APPBP2: variants seen among roughly 807,000 people sequenced by gnomAD.
The protein encoded by APPBP2 is amyloid protein-binding protein 2.
Under a neutral mutation model 76.0 loss-of-function variants are expected in APPBP2, and 15 were observed. The ratio of observed to expected loss-of-function variants is 0.20; its 90% CI spans 0.13 to 0.30. The LOEUF is 0.30. Ranked by LOEUF, APPBP2 falls within the 10% of genes least tolerant of loss-of-function variation. The probability of loss-of-function intolerance (pLI) is 1.00; values close to 1 mark genes in which losing one functional copy is unlikely to be tolerated. For missense variants in APPBP2, 401 were observed against 687.2 expected (o/e 0.58, Z 4.66); for synonymous variants, 222 against 242.2 (o/e 0.92, Z 0.77).
Position 60,517,396 on chromosome 17 carries a change from T to A in APPBP2, c.138+8398A>T, listed in dbSNP as rs74488844. Among the ~76,000 whole-genome samples the A allele has an allele frequency of 8.6e-3, 1,311 of 152,334 alleles. 10 individuals carry two copies. The highest frequency in any genetic ancestry group is 0.013 in the Non-Finnish European group (891 of 68,040). ...TTGACTCTTCACTTGCTTAATGATA[T>A]CTTTTGATGAGATGTTCTTGATCTT... On this transcript the variant is annotated intron_variant, in intron 1 of 12. Coordinates refer to ENST00000083182, the MANE Select transcript of APPBP2 (RefSeq NM_006380.5).
Position 60,466,373 on chromosome 17 carries a change from G to A in APPBP2, c.590C>T (p.Ser197Leu), listed in dbSNP as rs2090511206. The change falls in exon 5 of 13, where the codon TCA becomes TTA. Residue 197 changes from serine to leucine, a missense_variant. Ser to Leu is a moderately radical substitution (Grantham distance 145). Coordinates refer to ENST00000083182, the MANE Select transcript of APPBP2 (RefSeq NM_006380.5). ...KLAQTYMDKL[S>L]KHGQQANKAA... is the part of the protein sequence containing the mutation. Reference sequence around the variant, plus strand: ...TTTATTTGCTTGCTGGCCATGTTTTGATAGTTTATCCATATATGTCTGAGC... The same window carrying A: ...TTTATTTGCTTGCTGGCCATGTTTTAATAGTTTATCCATATATGTCTGAGC... 1 of 1,613,960 alleles carries A rather than the reference G, an allele frequency of 6.2e-7. No homozygotes were observed. The highest frequency in any genetic ancestry group is 1.3e-5 in the African/African-American group (1 of 75,018).
At chr17:60,496,845 C>T (rs199614783) in intron 2 of APPBP2, among the ~76,000 whole-genome samples, 50 of 152,176 alleles carry the variant, frequency 3.3e-4, no homozygotes, top group Middle Eastern at 3.4e-3. Context: ...CTCAGCCTCC[C>T]GAGTAGCTGG....
chr17:60,464,343 T>A (rs773413268), intron 5 of APPBP2, among the ~76,000 whole-genome samples: 5 of 152,250 alleles, frequency 3.3e-5, no homozygotes, highest in Non-Finnish European at 7.3e-5. Context: ...ATGACATATC[T>A]TCTGGAAATC....
chr17:60,520,295 G>A (rs1407471378), intron 1 of APPBP2, among the ~76,000 whole-genome samples: 2 of 151,938 alleles, frequency 1.3e-5, no homozygotes, highest in African/African-American at 2.4e-5. Context: ...TAAGGAGGCC[G>A]GGCGCAGTGG....
At chr17:60,510,059 A>T (rs962564637) in intron 1 of APPBP2, among the ~76,000 whole-genome samples, 1 of 150,680 alleles carries the variant, frequency 6.6e-6, no homozygotes, top group South Asian at 2.1e-4. Flanking sequence ...TTTAACAAAC[A>T]TGAGTTATCG....
At chr17:60,494,693 T>C in intron 2 of APPBP2, 76 bp from the exon 3 acceptor site, 3 of 1,259,914 alleles carry the variant, frequency 2.4e-6, no homozygotes, top group Non-Finnish European at 3.2e-6. Context: ...CTGCTTCTCT[T>C]TTAAATAATA....
rs952403998 is a variant in APPBP2, at chr17:60,526,013, C to G, written c.-82G>C. The G allele has an allele frequency of 1.6e-5, 22 of 1,397,532 alleles. No homozygotes were observed. In the African/African-American group the frequency reaches 2.9e-4, roughly 18 times the overall value. The allele number at this position is 1,397,532 out of a possible 1,614,324, so 86.6% of individuals were successfully genotyped here. Reference sequence around the variant, plus strand: ...CCTCCGTAGCGAACCCCTCTGCGGCCCCGGAGGATTCGGAGGGGCGGTGGC... The same window carrying G: ...CCTCCGTAGCGAACCCCTCTGCGGCGCCGGAGGATTCGGAGGGGCGGTGGC... On this transcript the variant is annotated 5_prime_UTR_variant, in exon 1 of 13. Coordinates refer to ENST00000083182, the MANE Select transcript of APPBP2 (RefSeq NM_006380.5).
chr17:60,522,694 T>C (rs2091019777), intron 1 of APPBP2, among the ~76,000 whole-genome samples: 1 of 152,108 alleles, frequency 6.6e-6, no homozygotes, highest in African/African-American at 2.4e-5. Flanking sequence ...ATACCTTAAT[T>C]TATGCACGGT....
At position 60,454,164 on chromosome 17, in the gene APPBP2, A is replaced by G. The variant is rs1008387322; in HGVS notation, c.1338+138T>C. On this transcript the variant is annotated intron_variant, in intron 11 of 12. Transcript: ENST00000083182. Reference sequence around the variant, plus strand: ...AGGAATGAGCCACTGTGCTTGGCCTATGTTGTTTTATACTCACTATCTTCT... The same window carrying G: ...AGGAATGAGCCACTGTGCTTGGCCTGTGTTGTTTTATACTCACTATCTTCT... The G allele has an allele frequency of 1.4e-5, 8 of 580,470 alleles. No homozygotes were observed. In the South Asian group the frequency reaches 1.7e-4, roughly 12 times the overall value. The allele number at this position is 580,470 out of a possible 1,614,324, so 36.0% of individuals were successfully genotyped here.
At chr17:60,472,567 T>C (rs866113812) in intron 4 of APPBP2, among the ~76,000 whole-genome samples, 4 of 152,206 alleles carry the variant, frequency 2.6e-5, no homozygotes, top group Non-Finnish European at 5.9e-5. Context: ...GTTAGTCTGG[T>C]ATGGTTTTAA....
At chr17:60,498,324 T>C in intron 2 of APPBP2, among the ~76,000 whole-genome samples, 1 of 152,180 alleles carries the variant, frequency 6.6e-6, no homozygotes, top group South Asian at 2.1e-4. Flanking sequence ...ACCAAGCTTC[T>C]GTTTGGGTTG....
intron 1 of APPBP2, among the ~76,000 whole-genome samples, chr17:60,508,139 A>G (rs1004892175): frequency 2.6e-5 from 4 of 152,166 alleles, no homozygotes; most frequent in Admixed American, 2.0e-4. Context: ...ATGCCTGGCT[A>G]ATTTGTGTAG....
chr17:60,470,608 G>A (rs2090545140), intron 4 of APPBP2, among the ~76,000 whole-genome samples: 2 of 150,962 alleles, frequency 1.3e-5, no homozygotes, highest in South Asian at 2.1e-4. Context: ...ACAGAGTTTC[G>A]CTCTTGTTGC....
chr17:60,479,309 T>TA, intron 3 of APPBP2, 38 bp from the exon 4 acceptor site: 1 of 1,572,246 alleles, frequency 6.4e-7, no homozygotes, highest in Non-Finnish European at 8.6e-7. Context: ...GAAAACTTGA[T>TA]AAATAGCCTG....
chr17:60,519,778 A>ATTTTTTT (rs748167583), intron 1 of APPBP2, among the ~76,000 whole-genome samples: 8 of 117,854 alleles, frequency 6.8e-5, no homozygotes, highest in Non-Finnish European at 8.5e-5. Flanking sequence ...GCCAAATTTA[A>ATTTTTTT]TTTTTTTTTT....
intron 3 of APPBP2, among the ~76,000 whole-genome samples, chr17:60,493,531 G>T (rs2090747909): frequency 6.6e-6 from 1 of 151,622 alleles, no homozygotes; most frequent in Non-Finnish European, 1.5e-5. Context: ...AGGAGGTTTT[G>T]CTATGTTGCC....
intron 3 of APPBP2, among the ~76,000 whole-genome samples, chr17:60,494,208 T>C (rs1404018517): frequency 6.6e-6 from 1 of 152,228 alleles, no homozygotes; most frequent in African/African-American, 2.4e-5. Flanking sequence ...CTTGAGCCAG[T>C]TACTCAACTT....
chr17:60,453,410 C>T (rs974103933), intron 11 of APPBP2, among the ~76,000 whole-genome samples: 1 of 151,932 alleles, frequency 6.6e-6, no homozygotes, highest in Non-Finnish European at 1.5e-5. Flanking sequence ...TCTTGAACTC[C>T]TGACCCTCAA....
intron 9 of APPBP2, among the ~76,000 whole-genome samples, chr17:60,457,627 G>C (rs1209347770): frequency 6.6e-6 from 1 of 151,946 alleles, no homozygotes; most frequent in African/African-American, 2.4e-5. Flanking sequence ...ACAGGGATTT[G>C]CTATGTTGTC....
Sources: allele counts gnomAD v4.1 joint callset (sites outside exome capture counted in the v4.1 genomes callset), GRCh38; gene constraint gnomAD v4.1.1; transcripts MANE v1.5; gene names NCBI Gene and HGNC (gene_info 2026-07-23, HGNC 2026-07-21).